Variants in GRM7 observed in about 807,000 individuals in gnomAD.
GRM7 encodes glutamate metabotropic receptor 7, also known as metabotropic glutamate receptor 7.
GRM7 carries 35 observed loss-of-function variants against 84.5 expected under a neutral mutation model. That is an observed-to-expected ratio of 0.41 (90% CI 0.32 to 0.55). GRM7 has a LOEUF of 0.55. Ranked by LOEUF, GRM7 falls within the 20% of genes least tolerant of loss-of-function variation. The pLI is 0.19. For missense variants in GRM7, 1,003 were observed against 1,194.6 expected (o/e 0.84, Z 2.36); for synonymous variants, 487 against 455.1 (o/e 1.07, Z -0.89).
intron 1 of GRM7, among the ~76,000 whole-genome samples, chr3:6,914,389 G>A (rs746784678): frequency 6.6e-5 from 10 of 152,110 alleles, no homozygotes; most frequent in Middle Eastern, 3.4e-3. Context: ...TTTCACAATA[G>A]CTTTCATGAT....
chr3:6,866,034 C>T (rs781230856), intron 1 of GRM7, among the ~76,000 whole-genome samples: 2 of 152,250 alleles, frequency 1.3e-5, no homozygotes, highest in Non-Finnish European at 2.9e-5. Context: ...AAGACATGCA[C>T]ATATTATATT....
intron 7 of GRM7, among the ~76,000 whole-genome samples, chr3:7,536,146 C>T (rs749277819): frequency 6.6e-6 from 1 of 152,198 alleles, no homozygotes; most frequent in Non-Finnish European, 1.5e-5. Context: ...AATCAGAATG[C>T]TGGGACTTGG....
chr3:7,381,261 A>C (rs1188667396), intron 4 of GRM7, among the ~76,000 whole-genome samples: 1 of 152,102 alleles, frequency 6.6e-6, no homozygotes, highest in Non-Finnish European at 1.5e-5. Context: ...AAGGCATGCA[A>C]ATCTGGACAA....
intron 1 of GRM7, among the ~76,000 whole-genome samples, chr3:6,906,620 G>C (rs144937377): frequency 6.6e-6 from 1 of 152,058 alleles, no homozygotes; most frequent in African/African-American, 2.4e-5. Flanking sequence ...AGACAAATGG[G>C]TCCTATCATG....
At chr3:7,565,506 A>G (rs747698540) in intron 7 of GRM7, among the ~76,000 whole-genome samples, 3 of 152,214 alleles carry the variant, frequency 2.0e-5, no homozygotes, top group Admixed American at 6.5e-5. Flanking sequence ...AAACTTAGGT[A>G]AGCCTAAAGG....
intron 1 of GRM7, among the ~76,000 whole-genome samples, chr3:6,902,148 C>G (rs377525421): frequency 6.6e-6 from 1 of 152,126 alleles, no homozygotes; most frequent in South Asian, 2.1e-4. Flanking sequence ...CCACCCTGTT[C>G]CTAACCTAAC....
intron 1 of GRM7, among the ~76,000 whole-genome samples, chr3:7,125,232 C>T (rs1446347853): frequency 1.3e-5 from 2 of 152,174 alleles, no homozygotes; most frequent in African/African-American, 2.4e-5. Flanking sequence ...AGCCACCATG[C>T]CCGGCCTAAT....
At chr3:7,142,065 C>T (rs1444127530) in intron 1 of GRM7, among the ~76,000 whole-genome samples, 2 of 151,832 alleles carry the variant, frequency 1.3e-5, no homozygotes, top group African/African-American at 4.8e-5. Flanking sequence ...TTTGTTTTGA[C>T]TTATAATGAC....
intron 8 of GRM7, among the ~76,000 whole-genome samples, chr3:7,658,661 G>C (rs1052516211): frequency 6.6e-6 from 1 of 152,146 alleles, no homozygotes; most frequent in African/African-American, 2.4e-5. Flanking sequence ...GGGGAATAAA[G>C]ATTCTGTAAG....
At chr3:7,560,198 C>T (rs1172579747) in intron 7 of GRM7, 1 of 152,000 alleles carries the variant, frequency 6.6e-6, no homozygotes, top group African/African-American at 2.4e-5. Flanking sequence ...TCTTTACTTC[C>T]TTTTTGGTCT....
At chr3:7,131,854 C>T (rs954717264) in intron 1 of GRM7, among the ~76,000 whole-genome samples, 13 of 152,088 alleles carry the variant, frequency 8.5e-5, no homozygotes, top group Non-Finnish European at 1.6e-4. Context: ...TAAATTTAGA[C>T]GGGGATCAAT....
chr3:6,972,459 TC>T (rs1323762847), intron 1 of GRM7, among the ~76,000 whole-genome samples: 1 of 152,156 alleles, frequency 6.6e-6, no homozygotes, highest in Non-Finnish European at 1.5e-5. Flanking sequence ...ATGATACAAA[TC>T]ATGTGAGGTT....
chr3:7,447,864 G>A (rs912917474), intron 5 of GRM7, among the ~76,000 whole-genome samples: 3 of 150,454 alleles, frequency 2.0e-5, no homozygotes, highest in African/African-American at 4.9e-5. Flanking sequence ...TCATCATTTA[G>A]CATTACATAT....
In GRM7 at chr3:6,928,243, T is replaced by TA. The variant is rs2125041681; in HGVS notation, c.519+66337dup. On this transcript the variant is annotated intron_variant, in intron 1 of 9. Coordinates refer to ENST00000357716, the MANE Select transcript of GRM7 (RefSeq NM_000844.4). The surrounding 1 kb of genome is among the most constrained non-coding windows in gnomAD (Gnocchi z 4.5). ...AATTCCCCCAAAGATAGTTGCTCAA[T>TA]ACCACTCTCTTTCCCAGGTACTAAA... Among the ~76,000 whole-genome samples the TA allele has an allele frequency of 6.6e-6, 1 of 152,186 alleles. No homozygotes were observed. Among genetic ancestry groups the TA allele is most frequent in the South Asian group, 2.1e-4 (1 of 4,818 alleles).
chr3:7,143,959 A>C (rs1694029727), intron 1 of GRM7, among the ~76,000 whole-genome samples: 1 of 151,992 alleles, frequency 6.6e-6, no homozygotes, highest in Non-Finnish European at 1.5e-5. Context: ...TTGTTACCTA[A>C]AACTTATAAT....
In GRM7 at chr3:7,071,359, G is replaced by C. The variant is rs1697876493; in HGVS notation, c.520-75093G>C. ...CATCTGAGCCTGAGGGATTCAACTA[G>C]TTTTATTGGGACAAAACTTCCAGGC... is the stretch of plus-strand genomic sequence containing the variant. On this transcript the variant is annotated intron_variant, in intron 1 of 9. Transcript: ENST00000357716. Among the ~76,000 whole-genome samples the C allele has an allele frequency of 2.0e-5, 3 of 152,098 alleles. No individual in the cohort carries two copies. The South Asian group carries it at 6.2e-4, about 31-fold the overall frequency.
intron 4 of GRM7, among the ~76,000 whole-genome samples, chr3:7,394,392 T>C (rs947593209): frequency 1.3e-5 from 2 of 152,204 alleles, no homozygotes; most frequent in African/African-American, 2.4e-5. Flanking sequence ...TTTTGTGAGA[T>C]CATCTGGCCT....
At chr3:7,429,096 C>T (rs370887833) in intron 5 of GRM7, among the ~76,000 whole-genome samples, 19 of 152,110 alleles carry the variant, frequency 1.2e-4, no homozygotes, top group East Asian at 7.7e-4. Context: ...CAATTCCTGC[C>T]TCATTAGCTA....
intron 1 of GRM7, among the ~76,000 whole-genome samples, chr3:6,898,884 T>G (rs539048889): frequency 3.3e-5 from 5 of 151,786 alleles, no homozygotes; most frequent in Non-Finnish European, 7.4e-5. Flanking sequence ...AAGACCTTGG[T>G]GAAGCTGGGT....
Sources: allele counts gnomAD v4.1 joint callset (sites outside exome capture counted in the v4.1 genomes callset), GRCh38; gene constraint gnomAD v4.1.1; non-coding constraint Gnocchi (gnomAD v3.1); transcripts MANE v1.5; gene names NCBI Gene and HGNC (gene_info 2026-07-23, HGNC 2026-07-21).